GRIK2: variants seen among roughly 807,000 people sequenced by gnomAD.
The protein encoded by GRIK2 is glutamate receptor ionotropic, kainate 2.
In GRIK2, 32 loss-of-function variants were observed where a neutral mutation model predicts 100.3. That is an observed-to-expected ratio of 0.32 (90% confidence interval 0.24 to 0.43). The LOEUF is 0.43. Among genes scored for constraint, GRIK2 ranks in the 20% least tolerant of loss-of-function variants. The pLI, the probability that GRIK2 is intolerant of heterozygous loss-of-function variation, is 1.00. For missense variants in GRIK2, 843 were observed against 1,114.9 expected (o/e 0.76, Z 3.47); for synonymous variants, 417 against 389.4 (o/e 1.07, Z -0.83).
intron 14 of GRIK2, among the ~76,000 whole-genome samples, chr6:101,935,845 C>T (rs1162153124): frequency 6.6e-6 from 1 of 151,900 alleles, no homozygotes; most frequent in African/African-American, 2.4e-5. Flanking sequence ...CTCAATATTC[C>T]TTTGCAGATC....
intron 7 of GRIK2, among the ~76,000 whole-genome samples, chr6:101,788,507 A>G (rs553612880): frequency 4.1e-4 from 63 of 152,008 alleles, no homozygotes; most frequent in African/African-American, 9.7e-4. Context: ...ATGATTTCCA[A>G]TTTCATCCAT....
chr6:101,455,810 G>C (rs1326078669), intron 2 of GRIK2, among the ~76,000 whole-genome samples: 1 of 151,990 alleles, frequency 6.6e-6, no homozygotes, highest in Admixed American at 6.6e-5. Flanking sequence ...AGAAAATAAC[G>C]GTATTTATGA....
rs371810646 is a variant in GRIK2, at chr6:101,573,258, G to A, written c.116-48691G>A. The stretch of plus-strand genomic sequence containing the variant: ...TAAAGGAAGACCTCAAACTTTGCTC[G>A]AATCATCTTTTATTGTCTATGTTTG... On this transcript the variant is annotated intron_variant, in intron 2 of 16. Coordinates refer to ENST00000369134, the MANE Select transcript of GRIK2 (RefSeq NM_021956.5). Among the ~76,000 whole-genome samples, 14 of 152,166 alleles carry A rather than the reference G, an allele frequency of 9.2e-5. No homozygotes were observed. The East Asian group carries it at 1.4e-3, about 15-fold the overall frequency.
At chr6:101,804,321 A>G (rs1314029028) in intron 9 of GRIK2, among the ~76,000 whole-genome samples, 1 of 152,040 alleles carries the variant, frequency 6.6e-6, no homozygotes, top group Non-Finnish European at 1.5e-5. Context: ...TAGTCATAAC[A>G]TAGATACCAT....
intron 11 of GRIK2, among the ~76,000 whole-genome samples, chr6:101,882,889 T>C (rs942873428): frequency 6.6e-6 from 1 of 152,118 alleles, no homozygotes; most frequent in Non-Finnish European, 1.5e-5. Flanking sequence ...ATGCGGTAAC[T>C]TGTTTATGGT....
At chr6:101,419,141 T>C (rs930700982) in intron 2 of GRIK2, among the ~76,000 whole-genome samples, 5 of 152,180 alleles carry the variant, frequency 3.3e-5, no homozygotes, top group Non-Finnish European at 7.3e-5. Context: ...TTTTCTTTTT[T>C]CTCAACTGAG....
chr6:101,815,684 T>C (rs1224817173), intron 9 of GRIK2, among the ~76,000 whole-genome samples: 1 of 151,870 alleles, frequency 6.6e-6, no homozygotes, highest in East Asian at 1.9e-4. Context: ...GGTTCCCGAA[T>C]AGACAAAAAT....
intron 4 of GRIK2, among the ~76,000 whole-genome samples, chr6:101,666,014 C>A (rs975119301): frequency 4.6e-5 from 7 of 152,080 alleles, no homozygotes; most frequent in African/African-American, 1.4e-4. Flanking sequence ...TGAAGGCCAC[C>A]CTCACTTTAA....
At chr6:101,704,421 T>A (rs1490192431) in intron 7 of GRIK2, among the ~76,000 whole-genome samples, 1 of 151,650 alleles carries the variant, frequency 6.6e-6, no homozygotes, top group Non-Finnish European at 1.5e-5. Context: ...TTGTTAAAAT[T>A]AAAAGATGCA....
chr6:101,565,835 T>C (rs1777227509), intron 2 of GRIK2, among the ~76,000 whole-genome samples: 1 of 150,096 alleles, frequency 6.7e-6, no homozygotes, highest in African/African-American at 2.5e-5. Flanking sequence ...AACAATAACA[T>C]GAACAGTAGA....
intron 7 of GRIK2, among the ~76,000 whole-genome samples, chr6:101,779,822 T>A (rs1208211436): frequency 2.0e-5 from 3 of 152,124 alleles, no homozygotes; most frequent in Non-Finnish European, 4.4e-5. Flanking sequence ...ATGTATATAA[T>A]CCATATGCAT....
chr6:101,835,529 G>A (rs1416728926), intron 10 of GRIK2, among the ~76,000 whole-genome samples: 2 of 137,474 alleles, frequency 1.5e-5, no homozygotes, highest in African/African-American at 5.4e-5. Context: ...GGATTGTAGT[G>A]GCATGACCTC....
intron 2 of GRIK2, among the ~76,000 whole-genome samples, chr6:101,424,869 A>G (rs996992669): frequency 3.3e-5 from 5 of 152,010 alleles, no homozygotes; most frequent in African/African-American, 1.2e-4. Context: ...TTCCAGCTTC[A>G]TCCATGTCCC....
intron 2 of GRIK2, among the ~76,000 whole-genome samples, chr6:101,404,573 A>G (rs1029743961): frequency 6.6e-6 from 1 of 152,244 alleles, no homozygotes; most frequent in African/African-American, 2.4e-5. Flanking sequence ...ACATCAGATT[A>G]GAAACTAGTT....
intron 14 of GRIK2, among the ~76,000 whole-genome samples, chr6:101,953,938 G>A (rs1006841196): frequency 6.6e-6 from 1 of 152,004 alleles, no homozygotes; most frequent in African/African-American, 2.4e-5. Flanking sequence ...TGTGTATGAT[G>A]TGAAGGACAA....
At chr6:101,485,387 A>C (rs1045643674) in intron 2 of GRIK2, among the ~76,000 whole-genome samples, 7 of 152,190 alleles carry the variant, frequency 4.6e-5, no homozygotes, top group African/African-American at 1.7e-4. Flanking sequence ...AGGCATAATA[A>C]ATTAACTTTA....
chr6:102,065,229 A>T (rs1429422169), intron 16 of GRIK2, among the ~76,000 whole-genome samples: 1 of 151,294 alleles, frequency 6.6e-6, no homozygotes, highest in Non-Finnish European at 1.5e-5. Flanking sequence ...ATAGTTGTAA[A>T]ATTTGTAAAT....
At chr6:101,620,424 A>G (rs760410903) in intron 2 of GRIK2, among the ~76,000 whole-genome samples, 12 of 152,180 alleles carry the variant, frequency 7.9e-5, no homozygotes, top group Non-Finnish European at 1.3e-4. Flanking sequence ...AATATTTCAA[A>G]TGAATATGGT....
chr6:101,759,383 C>G (rs749731123), intron 7 of GRIK2, among the ~76,000 whole-genome samples: 5 of 152,054 alleles, frequency 3.3e-5, no homozygotes, highest in African/African-American at 1.2e-4. Context: ...GAAGGAGGCT[C>G]CCCCAAAGCT....
Sources: allele counts gnomAD v4.1 joint callset (sites outside exome capture counted in the v4.1 genomes callset), GRCh38; gene constraint gnomAD v4.1.1; transcripts MANE v1.5; gene names NCBI Gene and HGNC (gene_info 2026-07-23, HGNC 2026-07-21).